Variants in SPAG16 observed in about 807,000 individuals in gnomAD.
SPAG16 encodes sperm-associated antigen 16 protein.
SPAG16 carries 86 observed loss-of-function variants against 80.4 expected under a neutral mutation model. That is an observed-to-expected ratio of 1.07 (90% CI 0.90 to 1.28). The LOEUF (loss-of-function observed/expected upper bound fraction) is 1.28. Ranked by LOEUF, SPAG16 falls within the 50% of genes most tolerant of loss-of-function variation. The probability of loss-of-function intolerance (pLI) is 0.00; values close to 1 mark genes in which losing one functional copy is unlikely to be tolerated. For synonymous variants in SPAG16, 294 were observed against 265.9 expected (o/e 1.11, Z -1.03); for missense variants, 870 against 765.3 (o/e 1.14, Z -1.61).
intron 10 of SPAG16, among the ~76,000 whole-genome samples, chr2:213,810,591 T>G (rs1338315834): frequency 6.6e-6 from 1 of 152,066 alleles, no homozygotes; most frequent in Admixed American, 6.5e-5. Context: ...AGCTAATACA[T>G]AAGATAATTT....
intron 10 of SPAG16, among the ~76,000 whole-genome samples, chr2:213,782,943 T>C (rs912697881): frequency 2.0e-5 from 3 of 152,100 alleles, no homozygotes; most frequent in African/African-American, 7.2e-5. Context: ...CATGTGCACA[T>C]TGTGCAGGTT....
At chr2:214,006,968 A>G (rs1391510450) in intron 12 of SPAG16, among the ~76,000 whole-genome samples, 2 of 152,208 alleles carry the variant, frequency 1.3e-5, no homozygotes, top group African/African-American at 4.8e-5. Flanking sequence ...ATAAGTGAAT[A>G]TAAAGTGTTC....
At chr2:214,023,182 G>A (rs1259326439) in intron 13 of SPAG16, among the ~76,000 whole-genome samples, 5 of 151,730 alleles carry the variant, frequency 3.3e-5, no homozygotes, top group African/African-American at 1.2e-4. Flanking sequence ...ACAGGCCTTT[G>A]TTTTCCAAGT....
chr2:213,688,395 T>C lies in SPAG16; in HGVS notation c.1071-174090T>C, dbSNP rs1457951152. On this transcript the variant is annotated intron_variant, in intron 10 of 15. Transcript: ENST00000331683. ...TATGTTAATAGAGATTCTTTACATA[T>C]GCAAATTTTCTCCCACAAAGTACAG... Among the ~76,000 whole-genome samples the C allele has an allele frequency of 2.0e-5, 3 of 152,372 alleles. No homozygotes were observed. The East Asian group carries it at 5.8e-4, about 29-fold the overall frequency.
At chr2:213,649,067 T>C (rs1018860328) in intron 10 of SPAG16, among the ~76,000 whole-genome samples, 27 of 152,260 alleles carry the variant, frequency 1.8e-4, no homozygotes, top group Admixed American at 1.5e-3. Flanking sequence ...TTTGGTGAAA[T>C]CTTCATTGCT....
intron 11 of SPAG16, among the ~76,000 whole-genome samples, chr2:213,869,237 G>T (rs1273762876): frequency 7.3e-5 from 3 of 41,086 alleles, no homozygotes; most frequent in African/African-American, 1.7e-4. Flanking sequence ...TGGGCAACAA[G>T]AGCTAAAGTC....
At chr2:213,313,955 T>C (rs767856980) in intron 4 of SPAG16, among the ~76,000 whole-genome samples, 5 of 151,880 alleles carry the variant, frequency 3.3e-5, no homozygotes, top group Non-Finnish European at 4.4e-5. Context: ...AAGGAGATTA[T>C]AATCAAGATG....
intron 12 of SPAG16, among the ~76,000 whole-genome samples, chr2:213,996,952 T>C (rs2046550537): frequency 6.6e-6 from 1 of 152,196 alleles, no homozygotes; most frequent in African/African-American, 2.4e-5. Flanking sequence ...TTCTTATATG[T>C]TATATTCTTG....
chr2:213,585,159 A>G (rs1315508206), intron 10 of SPAG16, among the ~76,000 whole-genome samples: 2 of 151,144 alleles, frequency 1.3e-5, no homozygotes, highest in Non-Finnish European at 1.5e-5. Context: ...ACTGTACTCC[A>G]GCCTGCACAA....
chr2:213,516,996 G>A (rs551158853), intron 10 of SPAG16, among the ~76,000 whole-genome samples: 1 of 152,028 alleles, frequency 6.6e-6, no homozygotes, highest in Admixed American at 6.6e-5. Context: ...AAAATGAAAG[G>A]CATTGAAATA....
intron 15 of SPAG16, among the ~76,000 whole-genome samples, chr2:214,312,101 A>T (rs887810230): frequency 1.3e-5 from 2 of 152,230 alleles, no homozygotes; most frequent in Non-Finnish European, 2.9e-5. Context: ...AATATTTTAC[A>T]TGGGTTTTAG....
intron 11 of SPAG16, among the ~76,000 whole-genome samples, chr2:213,927,186 T>C (rs1054105838): frequency 6.6e-6 from 1 of 152,192 alleles, no homozygotes; most frequent in Admixed American, 6.5e-5. Context: ...GCTCATGACC[T>C]TGTCTAAACC....
intron 8 of SPAG16, among the ~76,000 whole-genome samples, chr2:213,371,063 G>A (rs1158847336): frequency 4.6e-5 from 7 of 152,104 alleles, no homozygotes; most frequent in African/African-American, 1.4e-4. Flanking sequence ...TGGTCCCTTA[G>A]ACTCTGTCAC....
rs16850176 is a variant in SPAG16 at position 213,311,606 on chromosome 2, G to A, written c.398+1429G>A. Among the ~76,000 whole-genome samples the A allele has an allele frequency of 6.6e-3, 1,004 of 151,642 alleles. 16 individuals are homozygous for A. The highest frequency in any genetic ancestry group is 0.023 in the African/African-American group (954 of 41,502). On this transcript the variant is annotated intron_variant, in intron 4 of 15. Transcript: ENST00000331683. ...GCATACTAGTCATAAGATAAAATTG[G>A]TATAACGCATTTCTTTATGAGTTTA...
chr2:213,436,824 C>A (rs552955741), intron 9 of SPAG16, among the ~76,000 whole-genome samples: 10 of 152,186 alleles, frequency 6.6e-5, no homozygotes, highest in African/African-American at 1.7e-4. Context: ...ACTAGTGGCA[C>A]TCCTGTAATA....
chr2:213,480,354 A>G (rs1329331957), intron 9 of SPAG16, among the ~76,000 whole-genome samples: 1 of 152,234 alleles, frequency 6.6e-6, no homozygotes, highest in Non-Finnish European at 1.5e-5. Flanking sequence ...CCCTTAGCCA[A>G]TAATGCAAAT....
In SPAG16 at chr2:213,830,583, C is replaced by T. The variant is rs560663075; in HGVS notation, c.1071-31902C>T. On this transcript the variant is annotated intron_variant, in intron 10 of 15. Transcript: ENST00000331683. Reference sequence around the variant, plus strand: ...TATTTGGCCATCTTGCTCTGCCTTTCTCCAGTAAGTTGTTCTTTTATTAGT... The same window carrying T: ...TATTTGGCCATCTTGCTCTGCCTTTTTCCAGTAAGTTGTTCTTTTATTAGT... Among the ~76,000 whole-genome samples, 40 of 152,234 alleles carry T rather than the reference C, an allele frequency of 2.6e-4. No individual in the cohort carries two copies. The South Asian group carries it at 7.7e-3, about 29-fold the overall frequency.
intron 15 of SPAG16, among the ~76,000 whole-genome samples, chr2:214,155,835 G>A (rs1307534640): frequency 6.6e-6 from 1 of 152,066 alleles, no homozygotes; most frequent in Admixed American, 6.6e-5. Flanking sequence ...CAATGAGATT[G>A]TTACTCTTGC....
At chr2:213,360,029 C>T (rs72939003) in intron 7 of SPAG16, among the ~76,000 whole-genome samples, 74 of 151,998 alleles carry the variant, frequency 4.9e-4, no homozygotes, top group Non-Finnish European at 9.9e-4. Flanking sequence ...TTATAAATAG[C>T]TTTTCTCTCT....
Sources: allele counts gnomAD v4.1 joint callset (sites outside exome capture counted in the v4.1 genomes callset), GRCh38; gene constraint gnomAD v4.1.1; transcripts MANE v1.5; gene names NCBI Gene and HGNC (gene_info 2026-07-23, HGNC 2026-07-21).